Variants in TDRD5 observed in about 807,000 individuals in gnomAD.
TDRD5 encodes tudor domain-containing protein 5.
TDRD5 carries 41 observed loss-of-function variants against 120.6 expected under a neutral mutation model. The ratio of observed to expected loss-of-function variants is 0.34; its 90% CI spans 0.26 to 0.44. The LOEUF is 0.44. Among genes scored for constraint, TDRD5 ranks in the 20% least tolerant of loss-of-function variants. The pLI is 1.00. For synonymous variants in TDRD5, 430 were observed against 433.7 expected, an observed-to-expected ratio of 0.99 and a Z score of 0.11; for missense variants, 1,006 against 1,221.2, an observed-to-expected ratio of 0.82 and a Z score of 2.63.
chr1:179,619,907 G>T (rs551497922), intron 5 of TDRD5, among the ~76,000 whole-genome samples: 16 of 152,170 alleles, frequency 1.1e-4, no homozygotes, highest in Admixed American at 5.2e-4. Flanking sequence ...GAGTGAATAT[G>T]ATTTTTTTGT....
intron 17 of TDRD5, among the ~76,000 whole-genome samples, chr1:179,675,611 C>G (rs1417808141): frequency 6.6e-6 from 1 of 152,162 alleles, no homozygotes; most frequent in Non-Finnish European, 1.5e-5. Flanking sequence ...ATCTAGATTT[C>G]ATTGTTGACC....
At chr1:179,621,112 C>A (rs757476560) in intron 6 of TDRD5, 21 bp downstream of exon 6, 4 of 1,580,184 alleles carry the variant, frequency 2.5e-6, no homozygotes, top group African/African-American at 1.4e-5. Flanking sequence ...TGCTTTTCCC[C>A]AACCCTAATT....
intron 14 of TDRD5, among the ~76,000 whole-genome samples, chr1:179,659,167 G>C (rs1437239453): frequency 6.6e-6 from 1 of 152,062 alleles, no homozygotes; most frequent in Non-Finnish European, 1.5e-5. Context: ...CACAGGATGT[G>C]GTCTAGCTTG....
chr1:179,658,632 C>T (rs1240619091), intron 14 of TDRD5, among the ~76,000 whole-genome samples: 1 of 152,106 alleles, frequency 6.6e-6, no homozygotes, highest in Non-Finnish European at 1.5e-5. Context: ...ATGATAATCT[C>T]CTATTACATT....
At chr1:179,687,151 A>T (rs986811531) in intron 17 of TDRD5, among the ~76,000 whole-genome samples, 1 of 152,046 alleles carries the variant, frequency 6.6e-6, no homozygotes, top group Non-Finnish European at 1.5e-5. Context: ...TCAATTTTAG[A>T]TCTTTCCTGG....
At chr1:179,653,774 C>T (rs1678845120) in intron 13 of TDRD5, among the ~76,000 whole-genome samples, 1 of 152,100 alleles carries the variant, frequency 6.6e-6, no homozygotes, top group Non-Finnish European at 1.5e-5. Context: ...CACACCTACA[C>T]CTCTACACCC....
intron 17 of TDRD5, among the ~76,000 whole-genome samples, chr1:179,688,788 A>G (rs970857236): frequency 1.3e-5 from 2 of 151,952 alleles, no homozygotes; most frequent in African/African-American, 4.8e-5. Flanking sequence ...GCTTCATTTC[A>G]TTCATTTGAT....
chr1:179,629,421 A>T (rs1354587655), intron 6 of TDRD5, among the ~76,000 whole-genome samples: 1 of 151,762 alleles, frequency 6.6e-6, no homozygotes, highest in East Asian at 1.9e-4. Context: ...TGCACGATAG[A>T]TTAAGAAGGG....
At chr1:179,661,405 CT>C (rs970481080) in intron 14 of TDRD5, among the ~76,000 whole-genome samples, 2 of 151,444 alleles carry the variant, frequency 1.3e-5, no homozygotes, top group African/African-American at 2.4e-5. Flanking sequence ...TCCCCCCAAT[CT>C]TTTTTTCTCT....
Position 179,630,866 on chromosome 1 carries a change from A to G in TDRD5, c.1072A>G (p.Lys358Glu), listed in dbSNP as rs6704505. The G allele has an allele frequency of 0.093, 149,410 of 1,613,554 alleles. 7,271 individuals carry two copies. The highest frequency in any genetic ancestry group is 0.12 in the Middle Eastern group (735 of 6,060). Residue 358 changes from lysine to glutamate, a missense_variant, in exon 7 of 18, where the codon AAA becomes GAA. Coordinates refer to ENST00000444136, the MANE Select transcript of TDRD5 (RefSeq NM_001199085.3). ...LSDILHVEFRKGHQDLLVFDA... is the reference protein window; with the variant it reads ...LSDILHVEFREGHQDLLVFDA... ...TGACATTCTCCATGTTGAGTTCAGG[A>G]AAGGACACCAAGACTTACTAGTGTT...
In TDRD5 at chr1:179,592,594, G is replaced by A. The variant is rs375734727; in HGVS notation, c.-14-8G>A. 93 of 1,605,050 alleles carry A rather than the reference G, an allele frequency of 5.8e-5. No individual in the cohort carries two copies. Among genetic ancestry groups the A allele is most frequent in the Non-Finnish European group, 7.7e-5 (90 of 1,173,472 alleles). ...CCCCCTTTTCCTCAGCTGCGTTTCTGTCTTCAGTCCTGTAGGGCACAATGT... is the reference window on the plus strand; with the variant it reads ...CCCCCTTTTCCTCAGCTGCGTTTCTATCTTCAGTCCTGTAGGGCACAATGT... On this transcript the variant is annotated splice_region_variant and splice_polypyrimidine_tract_variant and intron_variant, in intron 1 of 17. Transcript: ENST00000444136.
At chr1:179,600,521 CTAA>C (rs1675649675) in intron 4 of TDRD5, among the ~76,000 whole-genome samples, 3 of 152,144 alleles carry the variant, frequency 2.0e-5, no homozygotes, top group South Asian at 2.1e-4. Context: ...ATGAAATCAC[CTAA>C]TAATGCATTT....
At chr1:179,673,602 G>A (rs980005536) in intron 17 of TDRD5, among the ~76,000 whole-genome samples, 1 of 152,112 alleles carries the variant, frequency 6.6e-6, no homozygotes, top group Non-Finnish European at 1.5e-5. Flanking sequence ...TGAAGCAAAG[G>A]CAAGAAGCAG....
chr1:179,661,692 G>C (rs550868451), intron 14 of TDRD5, among the ~76,000 whole-genome samples: 1 of 152,106 alleles, frequency 6.6e-6, no homozygotes, highest in Non-Finnish European at 1.5e-5. Flanking sequence ...CAGACTTTCA[G>C]CCAGTGTGCT....
rs778286088 is a variant in TDRD5 at position 179,630,876 on chromosome 1, A to G, written c.1082A>G (p.Gln361Arg). ...ILHVEFRKGH[Q>R]DLLVFDADKK... ...CATGTTGAGTTCAGGAAAGGACACCAAGACTTACTAGTGTTTGATGCGGAT... is the reference window on the plus strand; with the variant it reads ...CATGTTGAGTTCAGGAAAGGACACCGAGACTTACTAGTGTTTGATGCGGAT... Residue 361 changes from glutamine to arginine, a missense_variant, in exon 7 of 18, where the codon CAA becomes CGA. Physicochemically the swap from Gln to Arg is conservative, Grantham distance 43. Around this residue, in one of 3 missense-constraint regions of TDRD5, gnomAD observed 445 missense variants for 515.5 expected, o/e 0.86. Transcript: ENST00000444136. 6.2e-7 allele frequency: 1 copy of G among 1,613,974 alleles called. No individual in the cohort carries two copies. Among genetic ancestry groups the G allele is most frequent in the Non-Finnish European group, 8.5e-7 (1 of 1,179,932 alleles).
chr1:179,639,566 T>C (rs1677932371), intron 9 of TDRD5, among the ~76,000 whole-genome samples: 1 of 152,168 alleles, frequency 6.6e-6, no homozygotes, highest in Non-Finnish European at 1.5e-5. Flanking sequence ...TCCTAGGCAG[T>C]ACTGGGGAAT....
At position 179,593,801 on chromosome 1, in the gene TDRD5, A is replaced by G. The variant is rs752790470; in HGVS notation, c.574A>G (p.Arg192Gly). ...AGATGTCATTTCTGTAGAGCAGACCAGAGCAGGTTCTTTGTTGATGCTAAA... is the reference window on the plus strand; with the variant it reads ...AGATGTCATTTCTGTAGAGCAGACCGGAGCAGGTTCTTTGTTGATGCTAAA... ...ASDVISVEQT[R>G]AGSLLMLKKS... Residue 192 changes from arginine (R) to glycine (G), a missense_variant, in exon 3 of 18, where the codon AGA becomes GGA. Arg to Gly is a moderately radical substitution (Grantham distance 125). Coordinates refer to ENST00000444136, the MANE Select transcript of TDRD5 (RefSeq NM_001199085.3). 2.8e-5 allele frequency: 46 copies of G among 1,614,134 alleles called. 1 individual carries two copies. In the South Asian group the frequency reaches 4.8e-4, roughly 17 times the overall value.
At chr1:179,602,128 C>A in intron 4 of TDRD5, among the ~76,000 whole-genome samples, 2 of 152,162 alleles carry the variant, frequency 1.3e-5, no homozygotes, top group East Asian at 3.9e-4. Flanking sequence ...TTTAAGGAAT[C>A]TCCACAGTGT....
Position 179,621,018 on chromosome 1 carries a change from C to T in TDRD5, c.916-17C>T, listed in dbSNP as rs769010409. The T allele has an allele frequency of 6.3e-7, 1 of 1,582,710 alleles. No individual in the cohort carries two copies. The highest frequency in any genetic ancestry group is 8.6e-7 in the Non-Finnish European group (1 of 1,165,470). On this transcript the variant is annotated splice_polypyrimidine_tract_variant and intron_variant, in intron 5 of 17. Transcript: ENST00000444136. The stretch of plus-strand genomic sequence containing the variant: ...ATTTCAGTGTGTCTATATTGTATTT[C>T]ACTTTCTATTTGTTAGGTTGTATCT...
Sources: gnomAD v4.1 joint callset for allele counts (sites outside exome capture counted in the v4.1 genomes callset) on GRCh38, gnomAD v4.1.1 for gene constraint, gnomAD v4.1.1 regional missense constraint, MANE v1.5 for transcripts, NCBI Gene and HGNC (gene_info 2026-07-23, HGNC 2026-07-21) for gene names.